MAST1: variants seen among roughly 807,000 people sequenced by gnomAD.
MAST1 encodes microtubule-associated serine/threonine-protein kinase 1.
A neutral mutation model predicts 124.6 loss-of-function variants in MAST1; 40 were observed. That is an observed-to-expected ratio of 0.32 (90% CI 0.25 to 0.42). The LOEUF (loss-of-function observed/expected upper bound fraction) is 0.42. Among genes scored for constraint, MAST1 ranks in the 10% least tolerant of loss-of-function variants. MAST1 has a pLI of 1.00. For missense variants in MAST1, 1,558 were observed against 2,181.9 expected (o/e 0.71, Z 5.70); for synonymous variants, 938 against 939.4 (o/e 1.00, Z 0.03).
At position 12,865,667 on chromosome 19, in the gene MAST1, A is replaced by G. The variant is rs1970142697; in HGVS notation, c.1805-50A>G. The G allele has an allele frequency of 2.7e-6, 4 of 1,504,252 alleles. No homozygotes were observed. The highest frequency in any genetic ancestry group is 2.8e-5 in the African/African-American group (2 of 72,104). 93.2% of individuals were successfully genotyped at this position (1,504,252 alleles called of 1,614,324 possible). On this transcript the variant is annotated intron_variant, in intron 15 of 25. Transcript: ENST00000251472. The surrounding 1 kb of genome is among the most constrained non-coding windows in gnomAD (Gnocchi z 7.1). ...GGTGACACAGTGAGATCCTGTGTCC[A>G]AACAACAACAACAACAAAAACCGCC...
rs748587093 is a variant in MAST1, at chr19:12,874,289, G to C, written c.4132G>C (p.Gly1378Arg). ...ACTPPRATTP[G>R]GRTLERDVGC... Reference sequence around the variant, plus strand: ...CACCCCACCCCGCGCGACGACCCCCGGTGGCCGGACCCTGGAGCGGGACGT... The same window carrying C: ...CACCCCACCCCGCGCGACGACCCCCCGTGGCCGGACCCTGGAGCGGGACGT... Residue 1378 changes from glycine to arginine, a missense_variant, in exon 26 of 26, where the codon GGT becomes CGT. Coordinates refer to ENST00000251472, the MANE Select transcript of MAST1 (RefSeq NM_014975.3). This position sits in a 1 kb window ranked among gnomAD's most constrained non-coding sequence, Gnocchi z 6.6. 1.1e-5 allele frequency: 18 copies of C among 1,591,634 alleles called. No homozygotes were observed. The South Asian group carries it at 1.7e-4, about 15-fold the overall frequency.
chr19:12,874,546 C>A lies in MAST1; in HGVS notation c.4389C>A (p.Pro1463=). 1 of 1,515,424 alleles carries A rather than the reference C, an allele frequency of 6.6e-7. No homozygotes were observed. The highest frequency in any genetic ancestry group is 8.8e-7 in the Non-Finnish European group (1 of 1,135,968). The allele number at this position is 1,515,424 out of a possible 1,614,324, so 93.9% of individuals were successfully genotyped here. ...CGGACTCCAAGGGGTTGCAGGAACC[C>A]GCACCCCTGGCGCCTTCCGTGCCCG... ...LGADSKGLQE[P]APLAPSVPEA... is the part of the protein sequence containing the mutation. Residue 1463 remains proline (P), a synonymous_variant, in exon 26 of 26, where the codon CCC becomes CCA. Transcript: ENST00000251472. The surrounding 1 kb of genome is among the most constrained non-coding windows in gnomAD (Gnocchi z 6.6).
chr19:12,859,800 T>C (rs1279040865), intron 12 of MAST1, among the ~76,000 whole-genome samples: 2 of 146,622 alleles, frequency 1.4e-5, no homozygotes, highest in Admixed American at 1.4e-4. Flanking sequence ...ACTCCAGCCC[T>C]GGCAACTGAG....
At position 12,873,575 on chromosome 19, in the gene MAST1, T is replaced by A. The variant is rs562636512; in HGVS notation, c.3452-34T>A. ...GGGGTGGCCTGGCTGGTGCTTGGGC[T>A]GTACTCACTCGCTTCACCTCCTGTC... On this transcript the variant is annotated intron_variant, in intron 25 of 25. Transcript: ENST00000251472. 1.1e-4 allele frequency: 181 copies of A among 1,579,508 alleles called. No individual in the cohort carries two copies. The South Asian group carries it at 1.9e-3, about 17-fold the overall frequency.
At chr19:12,858,848 GT>G in intron 12 of MAST1, 109 bp downstream of exon 12, 1 of 999,054 alleles carries the variant, frequency 1.0e-6, no homozygotes, top group Non-Finnish European at 1.5e-6. Context: ...CGGCCTGTAT[GT>G]TTATCCATCT....
chr19:12,865,514 G>T lies in MAST1; in HGVS notation c.1804+33G>T. ...GCTTGGCAGTGTACAGGGGCAGAGT[G>T]TGGTGTGCACGGAGAGATGGACAGG... On this transcript the variant is annotated intron_variant, in intron 15 of 25. Transcript: ENST00000251472. The surrounding 1 kb of genome is among the most constrained non-coding windows in gnomAD (Gnocchi z 7.1). 1 of 1,550,466 alleles carries T rather than the reference G, an allele frequency of 6.4e-7. No individual in the cohort carries two copies. Among genetic ancestry groups the T allele is most frequent in the Non-Finnish European group, 8.7e-7 (1 of 1,148,582 alleles).
At chr19:12,870,976 G>T (rs374373504) in intron 23 of MAST1, 30 bp downstream of exon 23, 2 of 1,613,308 alleles carry the variant, frequency 1.2e-6, no homozygotes, top group Non-Finnish European at 1.7e-6. Flanking sequence ...CACCCTGGGC[G>T]GAGGGTGGGG....
intron 10 of MAST1, among the ~76,000 whole-genome samples, chr19:12,855,876 T>C (rs1970010758): frequency 6.6e-6 from 1 of 152,154 alleles, no homozygotes; most frequent in Admixed American, 6.6e-5. Context: ...GCCTGATTAA[T>C]CTAATAGTTT....
intron 24 of MAST1, among the ~76,000 whole-genome samples, chr19:12,873,062 C>A (rs1347262587): frequency 6.7e-6 from 1 of 149,760 alleles, no homozygotes; most frequent in African/African-American, 2.5e-5. Flanking sequence ...GAGAGGTGGG[C>A]GGGGCAGAAC....
chr19:12,841,525 G>T lies in MAST1; in HGVS notation c.248+459G>T, dbSNP rs1318536727. 6.6e-6 allele frequency among the ~76,000 whole-genome samples: 1 copy of T among 152,246 alleles called. No individual in the cohort carries two copies. The highest frequency in any genetic ancestry group is 1.5e-5 in the Non-Finnish European group (1 of 68,038). The stretch of plus-strand genomic sequence containing the variant: ...GGTTTCTTTCCAAGGGTCTCTTAGG[G>T]TTTCTGGGGTGTCCTTAAATGAATT... On this transcript the variant is annotated intron_variant, in intron 3 of 25. Transcript: ENST00000251472. The surrounding 1 kb of genome is among the most constrained non-coding windows in gnomAD (Gnocchi z 4.3).
Position 12,838,776 on chromosome 19 carries a change from A to C in MAST1, c.83+121A>C. The C allele has an allele frequency of 1.3e-6, 1 of 798,284 alleles. No homozygotes were observed. The highest frequency in any genetic ancestry group is 1.9e-6 in the Non-Finnish European group (1 of 540,508). The allele number at this position is 798,284 out of a possible 1,614,324, so 49.5% of individuals were successfully genotyped here. On this transcript the variant is annotated intron_variant, in intron 1 of 25. Coordinates refer to ENST00000251472, the MANE Select transcript of MAST1 (RefSeq NM_014975.3). This position sits in a 1 kb window ranked among gnomAD's most constrained non-coding sequence, Gnocchi z 4.3. ...GGTCCAGCTGCGCCAGAGGTGCCCC[A>C]GCTGCGCCTTCCCGCCGGGGTTGGG...
chr19:12,860,128 T>G (rs10410550), intron 12 of MAST1, among the ~76,000 whole-genome samples: 4,206 of 152,092 alleles, frequency 0.028, 171 homozygotes, highest in African/African-American at 0.095. Context: ...TTCTTTTTTT[T>G]GGGGGGGACG....
Position 12,874,417 on chromosome 19 carries a change from A to G in MAST1, c.4260A>G (p.Thr1420=). 1 of 1,598,446 alleles carries G rather than the reference A, an allele frequency of 6.3e-7. No homozygotes were observed. The highest frequency in any genetic ancestry group is 8.5e-7 in the Non-Finnish European group (1 of 1,179,010). The change falls in exon 26 of 26, where the codon ACA becomes ACG. Residue 1420 remains threonine, a synonymous_variant. Coordinates refer to ENST00000251472, the MANE Select transcript of MAST1 (RefSeq NM_014975.3). The surrounding 1 kb of genome is among the most constrained non-coding windows in gnomAD (Gnocchi z 6.6). ...AALSPVQEHE[T]GRRSSSGEAG... ...TGAGCCCGGTGCAGGAACACGAGAC[A>G]GGCCGGCGCAGCAGCTCTGGCGAGG...
rs780395283 is a variant in MAST1 at position 12,851,970 on chromosome 19, G to A, written c.811G>A (p.Val271Ile). 1.5e-5 allele frequency: 25 copies of A among 1,614,088 alleles called. No homozygotes were observed. The highest frequency in any genetic ancestry group is 1.9e-5 in the Non-Finnish European group (23 of 1,180,036). ...ERSESLEVAF[V>I]TQLVKKLLII... Reference sequence around the variant, plus strand: ...CTCTGAGAGCTTGGAGGTGGCCTTCGTTACTCAGCTGGTGAAGAAGTTGCT... The same window carrying A: ...CTCTGAGAGCTTGGAGGTGGCCTTCATTACTCAGCTGGTGAAGAAGTTGCT... Residue 271 changes from valine to isoleucine, a missense_variant, in exon 8 of 26, where the codon GTT becomes ATT. Coordinates refer to ENST00000251472, the MANE Select transcript of MAST1 (RefSeq NM_014975.3).
In MAST1 at chr19:12,843,535, C is replaced by T. The variant is rs201497430; in HGVS notation, c.255C>T (p.Asp85=). ...HFSFASSRRA[D]GRRWSLASLP... is the part of the protein sequence containing the mutation. The stretch of plus-strand genomic sequence containing the variant: ...CACCTTGGCTGGGTTCCAGGGCGGA[C>T]GGACGCCGGTGGTCTCTGGCCTCGC... The change falls in exon 4 of 26, where the codon GAC becomes GAT. Residue 85 remains aspartate (D), a synonymous_variant. Coordinates refer to ENST00000251472, the MANE Select transcript of MAST1 (RefSeq NM_014975.3). This position sits in a 1 kb window ranked among gnomAD's most constrained non-coding sequence, Gnocchi z 4.9. The T allele has an allele frequency of 1.1e-4, 172 of 1,612,994 alleles. No individual in the cohort carries two copies. The highest frequency in any genetic ancestry group is 1.3e-4 in the Non-Finnish European group (158 of 1,179,656).
rs1436169099 is a variant in MAST1 at position 12,865,133 on chromosome 19, T to C, written c.1593T>C (p.Tyr531=). Residue 531 remains tyrosine, a synonymous_variant, in exon 14 of 26, where the codon TAT becomes TAC. Coordinates refer to ENST00000251472, the MANE Select transcript of MAST1 (RefSeq NM_014975.3). This position sits in a 1 kb window ranked among gnomAD's most constrained non-coding sequence, Gnocchi z 7.1. ...MGLMSLTTNL[Y]EGHIEKDARE... ...TCATGAGCCTCACCACCAACTTATA[T>C]GAAGGCCACATCGAGAAGGACGCCC... The C allele has an allele frequency of 1.9e-6, 3 of 1,613,978 alleles. No individual in the cohort carries two copies. The highest frequency in any genetic ancestry group is 1.3e-5 in the African/African-American group (1 of 74,914).
rs370569707 is a variant in MAST1, at chr19:12,847,799, C to T, written c.565-49C>T. ...GGTGCGCAGCGCAGGCTCCTGGCGG[C>T]CGCAGCCTTCGGGCACAGCCCCGCG... On this transcript the variant is annotated intron_variant, in intron 6 of 25. Transcript: ENST00000251472. The surrounding 1 kb of genome is among the most constrained non-coding windows in gnomAD (Gnocchi z 5.5). 1 of 1,581,374 alleles carries T rather than the reference C, an allele frequency of 6.3e-7. No individual in the cohort carries two copies. The highest frequency in any genetic ancestry group is 1.3e-5 in the African/African-American group (1 of 74,342).
chr19:12,866,559 G>A lies in MAST1; in HGVS notation c.2030-94G>A, dbSNP rs1970156596. The A allele has an allele frequency of 2.5e-6, 2 of 813,700 alleles. No individual in the cohort carries two copies. The highest frequency in any genetic ancestry group is 2.1e-6 in the Non-Finnish European group (1 of 486,108). The allele number at this position is 813,700 out of a possible 1,614,324, so 50.4% of individuals were successfully genotyped here. On this transcript the variant is annotated intron_variant, in intron 17 of 25. Coordinates refer to ENST00000251472, the MANE Select transcript of MAST1 (RefSeq NM_014975.3). This position sits in a 1 kb window ranked among gnomAD's most constrained non-coding sequence, Gnocchi z 5.2. ...GGGGCGTGGCCTGACCTGAAGACTT[G>A]TAAACCCGTCTTGAACCAGGACTGG...
At chr19:12,868,906 G>A (rs1970198165) in intron 21 of MAST1, 57 bp downstream of exon 21, 4 of 1,558,268 alleles carry the variant, frequency 2.6e-6, no homozygotes, top group Non-Finnish European at 3.5e-6. Context: ...AGGCAGGACA[G>A]ACCAATGAAA....
Sources: gnomAD v4.1 joint callset for allele counts (sites outside exome capture counted in the v4.1 genomes callset) on GRCh38, gnomAD v4.1.1 for gene constraint, Gnocchi (gnomAD v3.1) non-coding constraint, MANE v1.5 for transcripts, NCBI Gene and HGNC (gene_info 2026-07-23, HGNC 2026-07-21) for gene names.